IRF2BP2: variants seen among roughly 807,000 people sequenced by gnomAD.
IRF2BP2 encodes interferon regulatory factor 2-binding protein 2.
Under a neutral mutation model 32.7 loss-of-function variants are expected in IRF2BP2, and 13 were observed. The observed-to-expected ratio is 0.40, with a 90% CI of 0.26 to 0.63. IRF2BP2 has a LOEUF of 0.63. Ranked by LOEUF, IRF2BP2 falls within the 30% of genes least tolerant of loss-of-function variation. The pLI is 0.42. For missense variants in IRF2BP2, 980 were observed against 830.6 expected (o/e 1.18, Z -2.21); for synonymous variants, 555 against 384.6 (o/e 1.44, Z -5.18).
At position 234,606,472 on chromosome 1, in the gene IRF2BP2, CAAAA is replaced by C. The variant is rs1221285155; in HGVS notation, c.*661_*664del. On this transcript the variant is annotated 3_prime_UTR_variant, in exon 2 of 2. Coordinates refer to ENST00000366609, the MANE Select transcript of IRF2BP2 (RefSeq NM_182972.3). ...CAACTTTGTCTTAAAAAAAAAAAAA[CAAAA>C]AACCCCAAAAGACCACACAATCCTG... 1 of 148,648 alleles carries C rather than the reference CAAAA, an allele frequency of 6.7e-6. No homozygotes were observed. Among genetic ancestry groups the C allele is most frequent in the African/African-American group, 2.5e-5 (1 of 40,328 alleles). 9.2% of individuals were successfully genotyped at this position (148,648 alleles called of 1,614,324 possible).
At position 234,604,713 on chromosome 1, in the gene IRF2BP2, T is replaced by G. The variant is rs926431491; in HGVS notation, c.*2424A>C. ...AATATTAGGATTTGAAATCTGATAC[T>G]GCCCATGTACAGTAAGTAGCTTTGT... On this transcript the variant is annotated 3_prime_UTR_variant, in exon 2 of 2. Coordinates refer to ENST00000366609, the MANE Select transcript of IRF2BP2 (RefSeq NM_182972.3). 6.6e-6 allele frequency: 1 copy of G among 152,248 alleles called. No homozygotes were observed. The highest frequency in any genetic ancestry group is 6.5e-5 in the Admixed American group (1 of 15,282). 9.4% of individuals were successfully genotyped at this position (152,248 alleles called of 1,614,324 possible). A position where few individuals can be genotyped will look rare whatever the true frequency, so the allele number is the denominator to read the frequency against.
rs779052175 is a variant in IRF2BP2 at position 234,608,927 on chromosome 1, G to A, written c.568C>T (p.Pro190Ser). 1 of 1,372,060 alleles carries A rather than the reference G, an allele frequency of 7.3e-7. No individual in the cohort carries two copies. The highest frequency in any genetic ancestry group is 9.4e-7 in the Non-Finnish European group (1 of 1,069,056). 85.0% of individuals were successfully genotyped at this position (1,372,060 alleles called of 1,614,324 possible). A position where few individuals can be genotyped will look rare whatever the true frequency, so the allele number is the denominator to read the frequency against. ...RGHAVPPTLV[P>S]LMNGSATPLP... ...GGCGTGGCCGAGCCGTTCATGAGCG[G>A]CACCAGGGTGGGCGGCACCGCGTGG... Residue 190 changes from proline (P) to serine (S), a missense_variant, in exon 1 of 2, where the codon CCG (proline) becomes TCG (serine). By Grantham distance (74) the Pro-to-Ser change is moderately conservative. Transcript: ENST00000366609.
In IRF2BP2 at chr1:234,607,099, T is replaced by G; in HGVS notation, c.*38A>C. On this transcript the variant is annotated 3_prime_UTR_variant, in exon 2 of 2. Coordinates refer to ENST00000366609, the MANE Select transcript of IRF2BP2 (RefSeq NM_182972.3). Reference sequence around the variant, plus strand: ...ATATATACAATTCAAGCAGTTTTAATTAAGGGTAATCATTGGGTTTTTCTG... The same window carrying G: ...ATATATACAATTCAAGCAGTTTTAAGTAAGGGTAATCATTGGGTTTTTCTG... 3 of 1,449,018 alleles carry G rather than the reference T, an allele frequency of 2.1e-6. No individual in the cohort carries two copies. The highest frequency in any genetic ancestry group is 2.9e-6 in the Non-Finnish European group (3 of 1,044,208). 89.8% of individuals were successfully genotyped at this position (1,449,018 alleles called of 1,614,324 possible).
Position 234,607,111 on chromosome 1 carries a change from A to G in IRF2BP2, c.*26T>C, listed in dbSNP as rs1234673116. The G allele has an allele frequency of 6.5e-7, 1 of 1,546,250 alleles. No individual in the cohort carries two copies. The highest frequency in any genetic ancestry group is 1.4e-5 in the African/African-American group (1 of 73,142). Reference sequence around the variant, plus strand: ...CAAGCAGTTTTAATTAAGGGTAATCATTGGGTTTTTCTGAAACCGGAAAAG... The same window carrying G: ...CAAGCAGTTTTAATTAAGGGTAATCGTTGGGTTTTTCTGAAACCGGAAAAG... On this transcript the variant is annotated 3_prime_UTR_variant, in exon 2 of 2. Transcript: ENST00000366609.
At position 234,609,430 on chromosome 1, in the gene IRF2BP2, G is replaced by A; in HGVS notation, c.65C>T (p.Pro22Leu). 6 of 1,559,002 alleles carry A rather than the reference G, an allele frequency of 3.8e-6. No individual in the cohort carries two copies. The highest frequency in any genetic ancestry group is 2.6e-5 in the East Asian group (1 of 38,492). ...RRQSCYLCDL[P>L]RMPWAMIWDF... ...CCAGATCATGGCCCAGGGCATGCGG[G>A]GCAGGTCACACAGGTAGCACGACTG... Residue 22 changes from proline (P) to leucine (L), a missense_variant, in exon 1 of 2, where the codon CCC becomes CTC. By Grantham distance (98) the Pro-to-Leu change is moderately conservative. Coordinates refer to ENST00000366609, the MANE Select transcript of IRF2BP2 (RefSeq NM_182972.3).
chr1:234,607,586 G>C lies in IRF2BP2; in HGVS notation c.1315C>G (p.His439Asp). ...ACCTGGTTGGCATCTTTTGAGGCATGACTGCCCCCTGCATTGTCTGCTACT... is the reference window on the plus strand; with the variant it reads ...ACCTGGTTGGCATCTTTTGAGGCATCACTGCCCCCTGCATTGTCTGCTACT... ...ILVADNAGGS[H>D]ASKDANQVHS... Residue 439 changes from histidine to aspartate, a missense_variant, in exon 2 of 2, where the codon CAT becomes GAT. Transcript: ENST00000366609. The C allele has an allele frequency of 6.2e-7, 1 of 1,614,252 alleles. No individual in the cohort carries two copies. The highest frequency in any genetic ancestry group is 8.5e-7 in the Non-Finnish European group (1 of 1,180,046).
Position 234,605,298 on chromosome 1 carries a change from G to C in IRF2BP2, c.*1839C>G, listed in dbSNP as rs150516150. ...GCATTCACATAAGAGAGACCAGTCT[G>C]CACTGAGTCATATATACTCCAACTT... On this transcript the variant is annotated 3_prime_UTR_variant, in exon 2 of 2. Coordinates refer to ENST00000366609, the MANE Select transcript of IRF2BP2 (RefSeq NM_182972.3). 5.9e-5 allele frequency: 9 copies of C among 152,356 alleles called. No individual in the cohort carries two copies. The highest frequency in any genetic ancestry group is 1.2e-4 in the Non-Finnish European group (8 of 68,034). 9.4% of individuals were successfully genotyped at this position (152,356 alleles called of 1,614,324 possible).
rs1448265659 is a variant in IRF2BP2 at position 234,608,510 on chromosome 1, G to A, written c.985C>T (p.Pro329Ser). Residue 329 changes from proline to serine, a missense_variant, in exon 1 of 2, where the codon CCG becomes TCG. Transcript: ENST00000366609. The part of the protein sequence containing the change: ...GPFESKFKKE[P>S]ALTAGRLLGF... Reference sequence around the variant, plus strand: ...AACAACCTGCCTGCAGTCAGGGCCGGCTCCTTCTTAAACTTGCTCTCGAAG... The same window carrying A: ...AACAACCTGCCTGCAGTCAGGGCCGACTCCTTCTTAAACTTGCTCTCGAAG... The A allele has an allele frequency of 1.2e-5, 20 of 1,609,672 alleles. No individual in the cohort carries two copies. The highest frequency in any genetic ancestry group is 6.6e-5 in the South Asian group (6 of 90,402).
Position 234,607,654 on chromosome 1 carries a change from T to G in IRF2BP2, c.1247A>C (p.Glu416Ala). The change falls in exon 2 of 2, where the codon GAA becomes GCA. Residue 416 changes from glutamate to alanine, a missense_variant. By Grantham distance (107) the Glu-to-Ala change is moderately radical (BLOSUM62 -1). Coordinates refer to ENST00000366609, the MANE Select transcript of IRF2BP2 (RefSeq NM_182972.3). ...GGGGGACTGGCCATTCTGGGCCGCT[T>G]CAGGCGGTGTGGTCCGGTTGGAATG... ...SPHSNRTTPP[E>A]AAQNGQSPMA... 6.2e-7 allele frequency: 1 copy of G among 1,614,200 alleles called. No individual in the cohort carries two copies. The highest frequency in any genetic ancestry group is 8.5e-7 in the Non-Finnish European group (1 of 1,180,030).
chr1:234,607,228 A>T lies in IRF2BP2; in HGVS notation c.1673T>A (p.Val558Glu), dbSNP rs1442252580. 1.2e-6 allele frequency: 2 copies of T among 1,614,104 alleles called. No individual in the cohort carries two copies. The highest frequency in any genetic ancestry group is 1.7e-6 in the Non-Finnish European group (2 of 1,180,046). Reference sequence around the variant, plus strand: ...AAAGGCCCAGGGGACATTGGAGCCCACAAGAGGGCATTTTTCCCCACTGGG... The same window carrying T: ...AAAGGCCCAGGGGACATTGGAGCCCTCAAGAGGGCATTTTTCCCCACTGGG... ...YCPSGEKCPL[V>E]GSNVPWAFMQ... The change falls in exon 2 of 2, where the codon GTG becomes GAG. Residue 558 changes from valine to glutamate, a missense_variant. Coordinates refer to ENST00000366609, the MANE Select transcript of IRF2BP2 (RefSeq NM_182972.3).
chr1:234,607,768 G>A lies in IRF2BP2; in HGVS notation c.1133C>T (p.Pro378Leu), dbSNP rs978568373. Residue 378 changes from proline (P) to leucine (L), a missense_variant, in exon 2 of 2, where the codon CCG becomes CTG. Coordinates refer to ENST00000366609, the MANE Select transcript of IRF2BP2 (RefSeq NM_182972.3). ...GPPKINGEAQ[P>L]WLSTSTEGLK... ...CCCCTCTGTGGATGTGGACAGCCAC[G>A]GCTGGGCCTCTCCGTTGATCTTAGG... 6.2e-7 allele frequency: 1 copy of A among 1,613,862 alleles called. No homozygotes were observed. Among genetic ancestry groups the A allele is most frequent in the African/African-American group, 1.3e-5 (1 of 74,920 alleles).
Position 234,608,527 on chromosome 1 carries a change from C to G in IRF2BP2, c.968G>C (p.Ser323Thr). 6.2e-7 allele frequency: 1 copy of G among 1,610,768 alleles called. No homozygotes were observed. Among genetic ancestry groups the G allele is most frequent in the Non-Finnish European group, 8.5e-7 (1 of 1,179,082 alleles). The change falls in exon 1 of 2, where the codon AGC (serine) becomes ACC (threonine). Residue 323 changes from serine to threonine, a missense_variant. By Grantham distance (58) the Ser-to-Thr change is moderately conservative. Coordinates refer to ENST00000366609, the MANE Select transcript of IRF2BP2 (RefSeq NM_182972.3). ...CAGGGCCGGCTCCTTCTTAAACTTG[C>G]TCTCGAAGGGCCCCGAGTGGCCGTG... ...HQHGHSGPFE[S>T]KFKKEPALTA...
rs1259404531 is a variant in IRF2BP2 at position 234,609,768 on chromosome 1, GGGCGGCGCGGCGC to G, written c.-287_-275del. On this transcript the variant is annotated 5_prime_UTR_variant, in exon 1 of 2. Coordinates refer to ENST00000366609, the MANE Select transcript of IRF2BP2 (RefSeq NM_182972.3). Reference sequence around the variant, plus strand: ...CCCCCCGGCCGGCCCGGGCACGGGCGGGCGGCGCGGCGCGGCGGGGCGGCGGGCGCGGCGGTGG... The same window carrying G: ...CCCCCCGGCCGGCCCGGGCACGGGCGGGCGGGGCGGCGGGCGCGGCGGTGG... Among the ~76,000 whole-genome samples, 1 of 144,010 alleles carries G rather than the reference GGGCGGCGCGGCGC, an allele frequency of 6.9e-6. No individual in the cohort carries two copies. The highest frequency in any genetic ancestry group is 1.5e-5 in the Non-Finnish European group (1 of 64,894). 94.5% of individuals were successfully genotyped at this position (144,010 alleles called of 152,430 possible).
Position 234,606,669 on chromosome 1 carries a change from T to G in IRF2BP2, c.*468A>C, listed in dbSNP as rs568483797. On this transcript the variant is annotated 3_prime_UTR_variant, in exon 2 of 2. Coordinates refer to ENST00000366609, the MANE Select transcript of IRF2BP2 (RefSeq NM_182972.3). ...CTTGACAACATGCCCGTTCGATCAT[T>G]TCCTTTCCTTCTCCACCACTTGGCC... The G allele has an allele frequency of 6.4e-6, 1 of 155,178 alleles. No individual in the cohort carries two copies. Among genetic ancestry groups the G allele is most frequent in the South Asian group, 1.9e-4 (1 of 5,274 alleles). The allele number at this position is 155,178 out of a possible 1,614,324, so 9.6% of individuals were successfully genotyped here.
rs765656021 is a variant in IRF2BP2, at chr1:234,608,550, G to A, written c.945C>T (p.His315=). Residue 315 remains histidine, a synonymous_variant, in exon 1 of 2, where the codon CAC becomes CAT. Coordinates refer to ENST00000366609, the MANE Select transcript of IRF2BP2 (RefSeq NM_182972.3). ...VRDTLLALHQ[H]GHSGPFESKF... Reference sequence around the variant, plus strand: ...TGCTCTCGAAGGGCCCCGAGTGGCCGTGCTGGTGCAGCGCCAGCAGCGTGT... The same window carrying A: ...TGCTCTCGAAGGGCCCCGAGTGGCCATGCTGGTGCAGCGCCAGCAGCGTGT... The A allele has an allele frequency of 6.8e-6, 11 of 1,609,848 alleles. No homozygotes were observed. The highest frequency in any genetic ancestry group is 9.3e-6 in the Non-Finnish European group (11 of 1,178,664).
In IRF2BP2 at chr1:234,608,896, G is replaced by A; in HGVS notation, c.599C>T (p.Pro200Leu). The change falls in exon 1 of 2, where the codon CCC (proline) becomes CTC (leucine). Residue 200 changes from proline to leucine, a missense_variant. Transcript: ENST00000366609. ...PLMNGSATPLPTALGLGGRAA... is the reference protein window; with the variant it reads ...PLMNGSATPLLTALGLGGRAA... ...GCGGCCGCCGAGGCCGAGCGCGGTGGGCAGCGGCGTGGCCGAGCCGTTCAT... is the reference window on the plus strand; with the variant it reads ...GCGGCCGCCGAGGCCGAGCGCGGTGAGCAGCGGCGTGGCCGAGCCGTTCAT... 4 of 1,340,952 alleles carry A rather than the reference G, an allele frequency of 3.0e-6. No homozygotes were observed. The highest frequency in any genetic ancestry group is 3.8e-6 in the Non-Finnish European group (4 of 1,054,620). The allele number at this position is 1,340,952 out of a possible 1,614,324, so 83.1% of individuals were successfully genotyped here. A position where few individuals can be genotyped will look rare whatever the true frequency, so the allele number is the denominator to read the frequency against.
Position 234,609,222 on chromosome 1 carries a change from G to A in IRF2BP2, c.273C>T (p.Ile91=), listed in dbSNP as rs1000478741. 2.6e-5 allele frequency: 35 copies of A among 1,342,282 alleles called. No individual in the cohort carries two copies. Among genetic ancestry groups the A allele is most frequent in the South Asian group, 1.3e-4 (7 of 52,464 alleles). 83.1% of individuals were successfully genotyped at this position (1,342,282 alleles called of 1,614,324 possible). The change falls in exon 1 of 2, where the codon ATC becomes ATT. Residue 91 remains isoleucine, a synonymous_variant. Coordinates refer to ENST00000366609, the MANE Select transcript of IRF2BP2 (RefSeq NM_182972.3). ...AKPPPLSAKD[I]LLQQQQQLGH... ...CAAGCTGCTGCTGCTGCTGCAAAAG[G>A]ATGTCCTTGGCGGAGAGCGGCGGCG... is the stretch of plus-strand genomic sequence containing the variant.
chr1:234,607,490 G>C lies in IRF2BP2; in HGVS notation c.1411C>G (p.Pro471Ala). Residue 471 changes from proline (P) to alanine (A), a missense_variant, in exon 2 of 2, where the codon CCC becomes GCC. Transcript: ENST00000366609. ...GCTCCCTGGCCCCCCACCTCTCTGG[G>C]GCCCAGCCTTCTTTGGTTCATAGAG... The part of the protein sequence containing the change: ...PSSMNQRRLG[P>A]REVGGQGAGN... 1 of 1,614,140 alleles carries C rather than the reference G, an allele frequency of 6.2e-7. No individual in the cohort carries two copies. Among genetic ancestry groups the C allele is most frequent in the Non-Finnish European group, 8.5e-7 (1 of 1,179,980 alleles).
chr1:234,606,509 C>T lies in IRF2BP2; in HGVS notation c.*628G>A, dbSNP rs1672164694. 6.6e-6 allele frequency: 1 copy of T among 151,970 alleles called. No homozygotes were observed. The highest frequency in any genetic ancestry group is 1.5e-5 in the Non-Finnish European group (1 of 68,010). The allele number at this position is 151,970 out of a possible 1,614,324, so 9.4% of individuals were successfully genotyped here. On this transcript the variant is annotated 3_prime_UTR_variant, in exon 2 of 2. Coordinates refer to ENST00000366609, the MANE Select transcript of IRF2BP2 (RefSeq NM_182972.3). Reference sequence around the variant, plus strand: ...AAAGACCACACAATCCTGAAAATTTCCCAGCAGCACTCTCAGTCATCAGTA... The same window carrying T: ...AAAGACCACACAATCCTGAAAATTTTCCAGCAGCACTCTCAGTCATCAGTA...
Sources: allele counts gnomAD v4.1 joint callset (sites outside exome capture counted in the v4.1 genomes callset), GRCh38; gene constraint gnomAD v4.1.1; transcripts MANE v1.5; gene names NCBI Gene and HGNC (gene_info 2026-07-23, HGNC 2026-07-21).